IKZF5: variants seen among roughly 807,000 people sequenced by gnomAD.
IKZF5 encodes the protein zinc finger protein Pegasus.
A neutral mutation model predicts 30.7 loss-of-function variants in IKZF5; 4 were observed. That is an observed-to-expected ratio of 0.13 (90% CI 0.06 to 0.30). The LOEUF (loss-of-function observed/expected upper bound fraction) is 0.30. Among genes scored for constraint, IKZF5 ranks in the 10% least tolerant of loss-of-function variants. IKZF5 has a pLI of 1.00. For synonymous variants in IKZF5, 148 were observed against 179.6 expected (o/e 0.82, Z 1.41); for missense variants, 348 against 525.5 (o/e 0.66, Z 3.30).
chr10:122,990,977 T>G lies in IKZF5; in HGVS notation c.*2803A>C, dbSNP rs895458381. On this transcript the variant is annotated 3_prime_UTR_variant, in exon 5 of 5. Coordinates refer to ENST00000368886, the MANE Select transcript of IKZF5 (RefSeq NM_001372123.1). The stretch of plus-strand genomic sequence containing the variant: ...TGTTTTGCATACAAAATATGTTCTT[T>G]ACATCAAAGCACATGTTAACAAAAA... 1.3e-5 allele frequency: 2 copies of G among 151,746 alleles called. No homozygotes were observed. The highest frequency in any genetic ancestry group is 2.4e-5 in the African/African-American group (1 of 41,272). 9.4% of individuals were successfully genotyped at this position (151,746 alleles called of 1,614,324 possible). A position where few individuals can be genotyped will look rare whatever the true frequency, so the allele number is the denominator to read the frequency against.
intron 2 of IKZF5, among the ~76,000 whole-genome samples, chr10:123,000,541 C>T (rs1455980914): frequency 6.6e-5 from 10 of 152,142 alleles, no homozygotes; most frequent in East Asian, 1.9e-4. Flanking sequence ...TATTACTACA[C>T]GTTTTTTGAT....
chr10:123,002,449 G>A (rs1011749986), intron 2 of IKZF5, among the ~76,000 whole-genome samples: 1 of 151,642 alleles, frequency 6.6e-6, no homozygotes, highest in Non-Finnish European at 1.5e-5. Flanking sequence ...GAACCCGGGA[G>A]GCAGAGGTTG....
chr10:123,003,533 T>C (rs1849674650), intron 2 of IKZF5, among the ~76,000 whole-genome samples: 1 of 152,158 alleles, frequency 6.6e-6, no homozygotes, highest in Admixed American at 6.5e-5. Flanking sequence ...GGAATCATAA[T>C]CCAACTTGCA....
chr10:122,997,389 C>T (rs1418595718), intron 3 of IKZF5: 2 of 152,298 alleles, frequency 1.3e-5, no homozygotes, highest in Admixed American at 6.5e-5. Flanking sequence ...GAGGGCTACA[C>T]TGCATTCGAG....
intron 2 of IKZF5, among the ~76,000 whole-genome samples, chr10:123,005,135 G>C (rs1189867617): frequency 6.6e-6 from 1 of 150,784 alleles, no homozygotes; most frequent in Non-Finnish European, 1.5e-5. Flanking sequence ...ATTTTTAAAA[G>C]AAAAAAAAAA....
rs1849207112 is a variant in IKZF5 at position 122,992,698 on chromosome 10, G to C, written c.*1082C>G. On this transcript the variant is annotated 3_prime_UTR_variant, in exon 5 of 5. Coordinates refer to ENST00000368886, the MANE Select transcript of IKZF5 (RefSeq NM_001372123.1). ...ACTGTACATGAAGACTGGTAAAACT[G>C]CAAATAAGAATTACAATTTGAAGTC... 1 of 152,118 alleles carries C rather than the reference G, an allele frequency of 6.6e-6. No individual in the cohort carries two copies. Among genetic ancestry groups the C allele is most frequent in the Non-Finnish European group, 1.5e-5 (1 of 67,996 alleles). 9.4% of individuals were successfully genotyped at this position (152,118 alleles called of 1,614,324 possible). A position where few individuals can be genotyped will look rare whatever the true frequency, so the allele number is the denominator to read the frequency against.
intron 2 of IKZF5, among the ~76,000 whole-genome samples, chr10:123,003,411 A>G (rs1849668392): frequency 6.6e-6 from 1 of 152,196 alleles, no homozygotes; most frequent in Non-Finnish European, 1.5e-5. Context: ...GAGCACCCGC[A>G]AATTTTGCTA....
In IKZF5 at chr10:122,993,589, T is replaced by C; in HGVS notation, c.*191A>G. On this transcript the variant is annotated 3_prime_UTR_variant, in exon 5 of 5. Coordinates refer to ENST00000368886, the MANE Select transcript of IKZF5 (RefSeq NM_001372123.1). ...ACACCAATGTGTCTAACTGTTCTAA[T>C]ATATAAATGACCCTGACCAGATTTT... 3 of 455,650 alleles carry C rather than the reference T, an allele frequency of 6.6e-6. No homozygotes were observed. Among genetic ancestry groups the C allele is most frequent in the South Asian group, 4.1e-5 (1 of 24,564 alleles). 28.2% of individuals were successfully genotyped at this position (455,650 alleles called of 1,614,324 possible). A position where few individuals can be genotyped will look rare whatever the true frequency, so the allele number is the denominator to read the frequency against.
rs1849193458 is a variant in IKZF5, at chr10:122,992,408, A to G, written c.*1372T>C. The G allele has an allele frequency of 6.6e-6, 1 of 152,220 alleles. No homozygotes were observed. The highest frequency in any genetic ancestry group is 2.1e-4 in the South Asian group (1 of 4,836). 9.4% of individuals were successfully genotyped at this position (152,220 alleles called of 1,614,324 possible). ...CATTCAACATATGAACAAAATTAAA[A>G]ATAGAATTTTTGCAAAGTACACAGA... On this transcript the variant is annotated 3_prime_UTR_variant, in exon 5 of 5. Coordinates refer to ENST00000368886, the MANE Select transcript of IKZF5 (RefSeq NM_001372123.1).
chr10:123,001,634 G>A (rs575779244), intron 2 of IKZF5, among the ~76,000 whole-genome samples: 2 of 152,124 alleles, frequency 1.3e-5, no homozygotes, highest in South Asian at 4.2e-4. Flanking sequence ...AAATCAAATG[G>A]TTATATGCAC....
intron 1 of IKZF5, among the ~76,000 whole-genome samples, chr10:123,007,939 T>C (rs902407526): frequency 6.6e-6 from 1 of 152,146 alleles, no homozygotes; most frequent in Non-Finnish European, 1.5e-5. Flanking sequence ...GTCACACGTC[T>C]TTCGGGTTCT....
At chr10:122,997,305 C>G (rs1216150394) in intron 3 of IKZF5, 1 of 152,200 alleles carries the variant, frequency 6.6e-6, no homozygotes, top group African/African-American at 2.4e-5. Flanking sequence ...ACAATTCAAG[C>G]CCCCTGCTTC....
chr10:122,993,970 A>G lies in IKZF5; in HGVS notation c.1070T>C (p.Val357Ala). 2.5e-6 allele frequency: 4 copies of G among 1,614,108 alleles called. No homozygotes were observed. Among genetic ancestry groups the G allele is most frequent in the Non-Finnish European group, 3.4e-6 (4 of 1,180,022 alleles). The change falls in exon 5 of 5, where the codon GTC (valine) becomes GCC (alanine). Residue 357 changes from valine (V) to alanine (A), a missense_variant. By Grantham distance (64) the Val-to-Ala change is moderately conservative. Coordinates refer to ENST00000368886, the MANE Select transcript of IKZF5 (RefSeq NM_001372123.1). ...GTGGTGCAGAAGCTGAGGGTCCTGG[A>G]CCGGCAGGGCTGGGGCTGGGGTGCT... The part of the protein sequence containing the change: ...QPSTPAPALP[V>A]QDPQLLHHCQ...
At chr10:123,004,521 G>A (rs1453937580) in intron 2 of IKZF5, among the ~76,000 whole-genome samples, 2 of 151,868 alleles carry the variant, frequency 1.3e-5, no homozygotes, top group Non-Finnish European at 2.9e-5. Context: ...GAGGATGGCT[G>A]GCATATTTTG....
chr10:123,002,009 G>T (rs1302728424), intron 2 of IKZF5, among the ~76,000 whole-genome samples: 1 of 152,080 alleles, frequency 6.6e-6, no homozygotes, highest in Non-Finnish European at 1.5e-5. Context: ...TCAGTAACAG[G>T]GCTGTTTTTG....
At chr10:122,998,699 G>A in intron 2 of IKZF5, 28 bp from the exon 3 acceptor site, 1 of 1,291,300 alleles carries the variant, frequency 7.7e-7, no homozygotes, top group Non-Finnish European at 1.1e-6. Context: ...TATTTAGGGA[G>A]ATCTAGTACA....
rs1472012138 is a variant in IKZF5 at position 122,997,026 on chromosome 10, C to T, written c.134-850G>A. ...TAAGCCCATAAAGGAAAGTATCGTC[C>T]CTGATACCTCTGAAGGTTAAGGTTT... On this transcript the variant is annotated intron_variant, in intron 3 of 4. Coordinates refer to ENST00000368886, the MANE Select transcript of IKZF5 (RefSeq NM_001372123.1). 3.9e-5 allele frequency: 6 copies of T among 152,136 alleles called. No homozygotes were observed. The East Asian group carries it at 1.2e-3, about 29-fold the overall frequency. 9.4% of individuals were successfully genotyped at this position (152,136 alleles called of 1,614,324 possible). A position where few individuals can be genotyped will look rare whatever the true frequency, so the allele number is the denominator to read the frequency against.
At chr10:123,002,993 A>G (rs1382919156) in intron 2 of IKZF5, among the ~76,000 whole-genome samples, 2 of 151,588 alleles carry the variant, frequency 1.3e-5, no homozygotes, top group East Asian at 3.9e-4. Flanking sequence ...GAAAAAATGG[A>G]TGGTTGCATC....
chr10:122,993,327 T>C lies in IKZF5; in HGVS notation c.*453A>G, dbSNP rs1849231149. On this transcript the variant is annotated 3_prime_UTR_variant, in exon 5 of 5. Transcript: ENST00000368886. ...TAAATGATATTTCAATTAATAGCAA[T>C]TTTTAAGGCAATTTCTGTACTAAAC... is the stretch of plus-strand genomic sequence containing the variant. 1 of 152,828 alleles carries C rather than the reference T, an allele frequency of 6.5e-6. No homozygotes were observed. The highest frequency in any genetic ancestry group is 1.5e-5 in the Non-Finnish European group (1 of 68,170). 9.5% of individuals were successfully genotyped at this position (152,828 alleles called of 1,614,324 possible). A position where few individuals can be genotyped will look rare whatever the true frequency, so the allele number is the denominator to read the frequency against.
Sources: gnomAD v4.1 joint callset for allele counts (sites outside exome capture counted in the v4.1 genomes callset) on GRCh38, gnomAD v4.1.1 for gene constraint, MANE v1.5 for transcripts, NCBI Gene and HGNC (gene_info 2026-07-23, HGNC 2026-07-21) for gene names.